Variants in SAFB2 observed in about 807,000 individuals in gnomAD.
SAFB2 encodes scaffold attachment factor B2.
SAFB2 carries 32 observed loss-of-function variants against 100.6 expected under a neutral mutation model. The observed-to-expected ratio is 0.32, with a 90% confidence interval of 0.24 to 0.43. The LOEUF is 0.43. Ranked by LOEUF, SAFB2 falls within the 20% of genes least tolerant of loss-of-function variation. The pLI is 1.00. For missense variants in SAFB2, 1,185 were observed against 1,163.4 expected, an observed-to-expected ratio of 1.02 and a Z score of -0.27; for synonymous variants, 500 against 439.4, an observed-to-expected ratio of 1.14 and a Z score of -1.72.
rs768809387 is a variant in SAFB2, at chr19:5,622,733, C to T, written c.-18G>A. On this transcript the variant is annotated 5_prime_UTR_variant, in exon 1 of 21. Transcript: ENST00000252542. ...TCCGCCATCGTCGCGTTCCCGTCTT[C>T]GCCACCGACTCAGTCGCACACCGCC... 3.1e-6 allele frequency: 5 copies of T among 1,590,806 alleles called. No individual in the cohort carries two copies. The highest frequency in any genetic ancestry group is 4.3e-6 in the Non-Finnish European group (5 of 1,173,336).
intron 1 of SAFB2, among the ~76,000 whole-genome samples, 179 bp downstream of exon 1, chr19:5,622,351 G>A (rs546959252): frequency 7.2e-5 from 11 of 152,308 alleles, no homozygotes; most frequent in South Asian, 6.2e-4. Context: ...GGCACAGAGA[G>A]GAGCGGTGAC....
Position 5,590,352 on chromosome 19 carries a change from G to A in SAFB2, c.2451C>T (p.Asp817=). ...CGTAGCCCCCCCAGCCATCACGGGA[G>A]TCCCGGCCGTGGCGCTCTGGGGGTC... ...HGGPPERHGR[D]SRDGWGGYGS... is the part of the protein sequence containing the mutation. Residue 817 remains aspartate, a synonymous_variant, in exon 18 of 21, where the codon GAC becomes GAT. Transcript: ENST00000252542. 5 of 1,611,584 alleles carry A rather than the reference G, an allele frequency of 3.1e-6. No homozygotes were observed. The highest frequency in any genetic ancestry group is 4.2e-6 in the Non-Finnish European group (5 of 1,179,294).
At chr19:5,593,797 G>T in intron 15 of SAFB2, 94 bp downstream of exon 15, 3 of 1,282,308 alleles carry the variant, frequency 2.3e-6, no homozygotes, top group South Asian at 3.4e-5. Context: ...TCTCCCCACC[G>T]ACAGGGACGG....
intron 11 of SAFB2, among the ~76,000 whole-genome samples, chr19:5,601,572 C>T (rs146426630): frequency 3.1e-4 from 47 of 152,052 alleles, no homozygotes; most frequent in African/African-American, 1.1e-3. Flanking sequence ...TTTAGCCAGG[C>T]GTGGTGGCGC....
At chr19:5,591,625 C>T (rs1418476855) in intron 17 of SAFB2, 123 bp downstream of exon 17, 6 of 852,022 alleles carry the variant, frequency 7.0e-6, no homozygotes, top group South Asian at 4.4e-5. Flanking sequence ...CTTGCATACC[C>T]GCCACACGTG....
Position 5,621,407 on chromosome 19 carries a change from G to A in SAFB2, c.187-11C>T. The A allele has an allele frequency of 1.3e-6, 2 of 1,571,298 alleles. No individual in the cohort carries two copies. The highest frequency in any genetic ancestry group is 1.8e-6 in the Non-Finnish European group (2 of 1,141,146). On this transcript the variant is annotated splice_polypyrimidine_tract_variant and intron_variant, in intron 1 of 20. Transcript: ENST00000252542. The stretch of plus-strand genomic sequence containing the variant: ...CTCTTCTTTAACCGCCTATTAGGGA[G>A]AGATGAGTTTTACAACATCATTAAG...
chr19:5,590,389 T>A lies in SAFB2; in HGVS notation c.2414A>T (p.His805Leu), dbSNP rs1456287916. 6.2e-7 allele frequency: 1 copy of A among 1,610,962 alleles called. No individual in the cohort carries two copies. The highest frequency in any genetic ancestry group is 8.5e-7 in the Non-Finnish European group (1 of 1,178,818). ...GCGCTCTGGGGGTCCTCCGTGGCCA[T>A]GGCGGTCATCTCCATAGTGCTGGAA... ...RDGQHYGDDR[H>L]GHGGPPERHG... is the part of the protein sequence containing the mutation. The change falls in exon 18 of 21, where the codon CAT (histidine) becomes CTT (leucine). Residue 805 changes from histidine to leucine, a missense_variant. Transcript: ENST00000252542.
chr19:5,610,543 C>G (rs889779899), intron 8 of SAFB2, 96 bp downstream of exon 8: 1 of 927,686 alleles, frequency 1.1e-6, no homozygotes, highest in South Asian at 1.6e-5. Context: ...CATAACAAAA[C>G]AAATTACTGA....
intron 2 of SAFB2, 74 bp downstream of exon 2, chr19:5,621,235 C>T (rs1450253807): frequency 1.3e-5 from 13 of 971,768 alleles, no homozygotes; most frequent in East Asian, 4.8e-5. Context: ...GCCTAGAAGG[C>T]GGGAAGAGCA....
intron 4 of SAFB2, 85 bp downstream of exon 4, chr19:5,616,047 T>A: frequency 7.9e-7 from 1 of 1,261,654 alleles, no homozygotes; most frequent in Non-Finnish European, 1.1e-6. Context: ...GCGGTTTAGC[T>A]GTGTTCTCCC....
At chr19:5,602,579 G>A (rs913363193) in intron 11 of SAFB2, among the ~76,000 whole-genome samples, 24 of 150,676 alleles carry the variant, frequency 1.6e-4, no homozygotes, top group Admixed American at 5.3e-4. Flanking sequence ...CAGCCTTGCC[G>A]TTTCCCAGCA....
intron 9 of SAFB2, among the ~76,000 whole-genome samples, chr19:5,608,466 A>G (rs994530980): frequency 4.6e-5 from 7 of 152,238 alleles, no homozygotes; most frequent in African/African-American, 1.7e-4. Flanking sequence ...TCATGGCTAT[A>G]AGAATTTCCT....
At chr19:5,590,149 A>G in intron 18 of SAFB2, 129 bp downstream of exon 18, 2 of 801,052 alleles carry the variant, frequency 2.5e-6, no homozygotes, top group South Asian at 2.3e-5. Context: ...TTCAAATGGC[A>G]GGACCCCTGG....
In SAFB2 at chr19:5,616,207, G is replaced by T; in HGVS notation, c.468C>A (p.Leu156=). The T allele has an allele frequency of 1.2e-6, 2 of 1,614,158 alleles. No individual in the cohort carries two copies. Among genetic ancestry groups the T allele is most frequent in the Non-Finnish European group, 1.7e-6 (2 of 1,180,028 alleles). ...DFGEDGTDGL[L]DSFCDSKEYV... ...ATTCTTTACTATCACAAAAGGAATC[G>T]AGAAGGCCGTCCGTGCCATCCTCCC... The change falls in exon 4 of 21, where the codon CTC becomes CTA. Residue 156 remains leucine, a synonymous_variant. Transcript: ENST00000252542.
chr19:5,610,913 A>G, intron 7 of SAFB2: 1 of 745,430 alleles, frequency 1.3e-6, no homozygotes, highest in Non-Finnish European at 2.2e-6. Context: ...TAACAATTTA[A>G]GAACACAACC....
chr19:5,592,957 G>T, intron 15 of SAFB2, 70 bp from the exon 16 acceptor site: 1 of 1,476,950 alleles, frequency 6.8e-7, no homozygotes, highest in Non-Finnish European at 9.3e-7. Flanking sequence ...AGGAGGAGGT[G>T]GAGGTGGGGA....
Position 5,587,928 on chromosome 19 carries a change from G to A in SAFB2, c.2578C>T (p.Arg860Cys), listed in dbSNP as rs376399865. The A allele has an allele frequency of 3.7e-5, 59 of 1,612,604 alleles. No homozygotes were observed. Among genetic ancestry groups the A allele is most frequent in the Middle Eastern group, 1.6e-4 (1 of 6,082 alleles). The change falls in exon 19 of 21, where the codon CGC (arginine) becomes TGC (cysteine). Residue 860 changes from arginine to cysteine, a missense_variant. Transcript: ENST00000252542. The surrounding 1 kb of genome is among the most constrained non-coding windows in gnomAD (Gnocchi z 4.9). ...HNQRLEEHQA[R>C]AWQGAMDAGA... Reference sequence around the variant, plus strand: ...GCGTCCATGGCACCCTGCCAGGCGCGTGCCTGGTGCTCCTCTAGCCGCTGG... The same window carrying A: ...GCGTCCATGGCACCCTGCCAGGCGCATGCCTGGTGCTCCTCTAGCCGCTGG...
At chr19:5,598,702 A>T in intron 13 of SAFB2, 91 bp downstream of exon 13, 2 of 1,223,524 alleles carry the variant, frequency 1.6e-6, no homozygotes, top group Admixed American at 3.6e-5. Context: ...TTTTAAAGGC[A>T]AAACAGTGCT....
chr19:5,612,999 G>A (rs1187900464), intron 5 of SAFB2, among the ~76,000 whole-genome samples: 2 of 152,152 alleles, frequency 1.3e-5, no homozygotes, highest in Admixed American at 6.5e-5. Flanking sequence ...AACCTTTTCC[G>A]ACATCTGTCT....
Sources: gnomAD v4.1 joint callset for allele counts (sites outside exome capture counted in the v4.1 genomes callset) on GRCh38, gnomAD v4.1.1 for gene constraint, Gnocchi (gnomAD v3.1) non-coding constraint, MANE v1.5 for transcripts, NCBI Gene and HGNC (gene_info 2026-07-23, HGNC 2026-07-21) for gene names.